The following ABHD10 variants were observed in gnomAD, a reference collection of about 807,000 sequenced individuals.
ABHD10 encodes palmitoyl-protein thioesterase ABHD10, mitochondrial.
In ABHD10, 22 loss-of-function variants were observed where a neutral mutation model predicts 33.1. The ratio of observed to expected loss-of-function variants is 0.66; its 90% CI spans 0.47 to 0.95. The LOEUF (loss-of-function observed/expected upper bound fraction) is 0.95. ABHD10 is among the 40% of genes least tolerant of loss of function. The pLI is 0.00. For missense variants in ABHD10, 352 were observed against 379.9 expected (o/e 0.93, Z 0.61); for synonymous variants, 146 against 133.9 (o/e 1.09, Z -0.62).
rs565747719 is a variant in ABHD10 at position 111,991,214 on chromosome 3, A to G, written c.577-163A>G. 2.6e-5 allele frequency among the ~76,000 whole-genome samples: 4 copies of G among 152,318 alleles called. No individual in the cohort carries two copies. In the East Asian group the frequency reaches 7.7e-4, roughly 29 times the overall value. On this transcript the variant is annotated intron_variant, in intron 4 of 4. Coordinates refer to ENST00000273359, the MANE Select transcript of ABHD10 (RefSeq NM_018394.4). ...ATAATATGTATAAAATACCCATCACAGTACCTTGCATGTAGTAATTATTGA... is the reference window on the plus strand; with the variant it reads ...ATAATATGTATAAAATACCCATCACGGTACCTTGCATGTAGTAATTATTGA...
At position 111,991,459 on chromosome 3, in the gene ABHD10, G is replaced by C; in HGVS notation, c.659G>C (p.Ser220Thr). 6.2e-7 allele frequency: 1 copy of C among 1,614,092 alleles called. No individual in the cohort carries two copies. The highest frequency in any genetic ancestry group is 8.5e-7 in the Non-Finnish European group (1 of 1,179,972). ...GAAGGAGTTTATAACGTTCAGTACAGTTTCATTAAAGAAGCTGAACATCAC... is the reference window on the plus strand; with the variant it reads ...GAAGGAGTTTATAACGTTCAGTACACTTTCATTAAAGAAGCTGAACATCAC... ...SEEGVYNVQYSFIKEAEHHCL... is the reference protein window; with the variant it reads ...SEEGVYNVQYTFIKEAEHHCL... The change falls in exon 5 of 5, where the codon AGT becomes ACT. Residue 220 changes from serine to threonine, a missense_variant. Coordinates refer to ENST00000273359, the MANE Select transcript of ABHD10 (RefSeq NM_018394.4).
intron 2 of ABHD10, 64 bp from the exon 3 acceptor site, chr3:111,986,200 T>C: frequency 1.1e-6 from 1 of 888,198 alleles, no homozygotes; most frequent in Non-Finnish European, 1.8e-6. Context: ...GTGCTATCTT[T>C]CTTAAAAATT....
intron 2 of ABHD10, among the ~76,000 whole-genome samples, chr3:111,982,581 C>T (rs1043727685): frequency 7.2e-5 from 11 of 152,086 alleles, no homozygotes; most frequent in African/African-American, 2.2e-4. Flanking sequence ...GGTATGATTT[C>T]GTAAAAAGAA....
chr3:111,982,138 C>G, intron 2 of ABHD10, 171 bp downstream of exon 2: 1 of 552,420 alleles, frequency 1.8e-6, no homozygotes, highest in Non-Finnish European at 2.8e-6. Flanking sequence ...CTTTAAAAGA[C>G]CTTTTTTAAA....
chr3:111,980,645 A>G (rs184436098), intron 1 of ABHD10, among the ~76,000 whole-genome samples: 2 of 152,308 alleles, frequency 1.3e-5, no homozygotes, highest in Admixed American at 6.5e-5. Flanking sequence ...TTTGAAAAAG[A>G]TGAAGTAGGA....
Position 111,981,781 on chromosome 3 carries a change from T to G in ABHD10, c.143-3T>G, listed in dbSNP as rs1271649031. 3 of 1,535,172 alleles carry G rather than the reference T, an allele frequency of 2.0e-6. No individual in the cohort carries two copies. Among genetic ancestry groups the G allele is most frequent in the South Asian group, 1.3e-5 (1 of 78,628 alleles). On this transcript the variant is annotated splice_polypyrimidine_tract_variant and splice_region_variant and intron_variant, in intron 1 of 4. Transcript: ENST00000273359. Reference sequence around the variant, plus strand: ...TAGTTTACTTTTTGTGTACTTTGTTTAGCTTGTAGACAAAAGACGTCACTC... The same window carrying G: ...TAGTTTACTTTTTGTGTACTTTGTTGAGCTTGTAGACAAAAGACGTCACTC...
chr3:111,988,588 GTT>G (rs1331723884), intron 4 of ABHD10, among the ~76,000 whole-genome samples: 1 of 151,628 alleles, frequency 6.6e-6, no homozygotes, highest in Non-Finnish European at 1.5e-5. Flanking sequence ...ATTTGTTTTG[GTT>G]TTGTTTTTAT....
rs548443766 is a variant in ABHD10 at position 111,991,269 on chromosome 3, C to G, written c.577-108C>G. ...TATTATTGTTATACTTTTGTTATCT[C>G]TATCCTCTTATTCAAGAACTGCTTT... is the stretch of plus-strand genomic sequence containing the variant. On this transcript the variant is annotated intron_variant, in intron 4 of 4. Coordinates refer to ENST00000273359, the MANE Select transcript of ABHD10 (RefSeq NM_018394.4). The G allele has an allele frequency of 1.1e-4, 94 of 891,654 alleles. 1 individual carries two copies. The African/African-American group carries it at 1.3e-3, about 13-fold the overall frequency. The allele number at this position is 891,654 out of a possible 1,614,324, so 55.2% of individuals were successfully genotyped here.
In ABHD10 at chr3:111,986,376, G is replaced by A; in HGVS notation, c.438+1G>A. ...TGATGACTTAGCTGATGGGCCACAG[G>A]TGACTGTTTTGTTAAGTATGATGAT... On this transcript the variant is annotated splice_donor_variant, in intron 3 of 4. Transcript: ENST00000273359. LOFTEE classifies it high-confidence loss of function. 6.3e-7 allele frequency: 1 copy of A among 1,593,372 alleles called. No individual in the cohort carries two copies. Among genetic ancestry groups the A allele is most frequent in the Non-Finnish European group, 8.6e-7 (1 of 1,162,204 alleles).
intron 4 of ABHD10, among the ~76,000 whole-genome samples, chr3:111,987,442 A>G (rs546972544): frequency 9.2e-5 from 14 of 152,190 alleles, no homozygotes; most frequent in African/African-American, 3.4e-4. Context: ...TCTTATGACT[A>G]TGTTAGAGTG....
chr3:111,985,725 A>C (rs564054610), intron 2 of ABHD10, among the ~76,000 whole-genome samples: 2 of 148,234 alleles, frequency 1.3e-5, no homozygotes, highest in Admixed American at 6.7e-5. Flanking sequence ...AGCAATCTAA[A>C]TGGCTATCTG....
chr3:111,984,906 A>T (rs9813388), intron 2 of ABHD10, among the ~76,000 whole-genome samples: 31,568 of 152,178 alleles, frequency 0.21, 3,384 homozygotes, highest in Middle Eastern at 0.28. Flanking sequence ...TGGTGATGGT[A>T]TAGGGCAGGC....
chr3:111,991,761 A>G lies in ABHD10; in HGVS notation c.*40A>G. On this transcript the variant is annotated 3_prime_UTR_variant, in exon 5 of 5. Transcript: ENST00000273359. ...TTGGTATGTAAACTAATGTATCCAG[A>G]AGATTGGAAGAGGGATAAGAAATGA... The G allele has an allele frequency of 6.8e-7, 1 of 1,463,730 alleles. No individual in the cohort carries two copies. The highest frequency in any genetic ancestry group is 1.3e-5 in the South Asian group (1 of 79,956). The allele number at this position is 1,463,730 out of a possible 1,614,324, so 90.7% of individuals were successfully genotyped here. A position where few individuals can be genotyped will look rare whatever the true frequency, so the allele number is the denominator to read the frequency against.
intron 2 of ABHD10, among the ~76,000 whole-genome samples, chr3:111,985,832 A>G (rs1420820857): frequency 6.6e-6 from 1 of 152,106 alleles, no homozygotes; most frequent in Non-Finnish European, 1.5e-5. Context: ...GAGAGAGAGA[A>G]AACAATGAGA....
At chr3:111,979,645 C>T (rs1466670434) in intron 1 of ABHD10, among the ~76,000 whole-genome samples, 1 of 152,238 alleles carries the variant, frequency 6.6e-6, no homozygotes, top group African/African-American at 2.4e-5. Flanking sequence ...TAGACGCCCT[C>T]ATAAGCCTAA....
rs763529674 is a variant in ABHD10, at chr3:111,981,940, G to A, written c.299G>A (p.Cys100Tyr). Residue 100 changes from cysteine (C) to tyrosine (Y), a missense_variant, in exon 2 of 5, where the codon TGC (cysteine) becomes TAC (tyrosine). Transcript: ENST00000273359. ...GTKALAIEEFCKSLGHACIRF... is the reference protein window; with the variant it reads ...GTKALAIEEFYKSLGHACIRF... The stretch of plus-strand genomic sequence containing the variant: ...AAAGCGTTGGCGATTGAGGAGTTTT[G>A]CAAATCTCTAGGTCACGCCTGCATA... 2 of 1,573,830 alleles carry A rather than the reference G, an allele frequency of 1.3e-6. No homozygotes were observed. Among genetic ancestry groups the A allele is most frequent in the Admixed American group, 3.4e-5 (2 of 59,524 alleles).
chr3:111,982,049 T>G, intron 2 of ABHD10, 82 bp downstream of exon 2: 1 of 1,075,224 alleles, frequency 9.3e-7, no homozygotes, highest in Non-Finnish European at 1.2e-6. Context: ...TCAGTTGAAG[T>G]AAATGCCAGC....
intron 4 of ABHD10, 82 bp downstream of exon 4, chr3:111,987,133 G>T: frequency 6.6e-7 from 1 of 1,507,346 alleles, no homozygotes; most frequent in Admixed American, 2.0e-5. Context: ...AGGGAAGGGG[G>T]GACAGAAAAC....
chr3:111,990,436 A>G (rs1345255931), intron 4 of ABHD10, among the ~76,000 whole-genome samples: 2 of 152,008 alleles, frequency 1.3e-5, no homozygotes, highest in Non-Finnish European at 2.9e-5. Context: ...TTCTCTCCAT[A>G]AGATAGGATT....
Sources: gnomAD v4.1 joint callset for allele counts (sites outside exome capture counted in the v4.1 genomes callset) on GRCh38, gnomAD v4.1.1 for gene constraint, MANE v1.5 for transcripts, NCBI Gene and HGNC (gene_info 2026-07-23, HGNC 2026-07-21) for gene names.